Variants in ADGRG2 observed in about 807,000 individuals in gnomAD.
The protein encoded by ADGRG2 is adhesion G protein-coupled receptor G2.
A neutral mutation model predicts 74.1 loss-of-function variants in ADGRG2; 26 were observed. The ratio of observed to expected loss-of-function variants is 0.35; its 90% CI spans 0.26 to 0.49. The LOEUF (loss-of-function observed/expected upper bound fraction) is 0.49. Among genes scored for constraint, ADGRG2 ranks in the 20% least tolerant of loss-of-function variants. The pLI is 0.99. For missense variants in ADGRG2, 619 were observed against 763.1 expected, an observed-to-expected ratio of 0.81 and a Z score of 2.22; for synonymous variants, 296 against 295.2, an observed-to-expected ratio of 1.00 and a Z score of -0.03.
chrX:19,004,138 C>T lies in ADGRG2; in HGVS notation c.1961+620G>A, dbSNP rs193082368. ...AAATCCAAGAACCTACATATTGTTT[C>T]GATTCGTTAATGCAATAAAAATGCC... On this transcript the variant is annotated intron_variant, in intron 23 of 28. Transcript: ENST00000379869. Among the ~76,000 whole-genome samples the T allele has an allele frequency of 3.4e-3, 384 of 111,771 alleles. 1 individual carries two copies. The highest frequency in any genetic ancestry group is 0.012 in the African/African-American group (358 of 30,840).
chrX:19,106,664 A>C (rs1408449197), intron 1 of ADGRG2, among the ~76,000 whole-genome samples: 1 of 111,364 alleles, frequency 9.0e-6, no homozygotes, highest in African/African-American at 3.3e-5. Flanking sequence ...CACGCCTGTA[A>C]TCCCAGCACT....
chrX:19,065,227 G>A (rs2061546869), intron 3 of ADGRG2, among the ~76,000 whole-genome samples: 1 of 84,446 alleles, frequency 1.2e-5, no homozygotes, highest in Non-Finnish European at 2.1e-5. Context: ...CTGAGATCGC[G>A]CACTCAAGTC....
intron 6 of ADGRG2, among the ~76,000 whole-genome samples, chrX:19,036,616 A>AACACACACACACAC (rs534574581): frequency 1.4e-3 from 132 of 94,690 alleles, no homozygotes; most frequent in Admixed American, 2.2e-3. Flanking sequence ...TCATACTTAA[A>AACACACACACACAC]ACACACACAC....
At chrX:19,025,852 C>T (rs2060689904) in intron 11 of ADGRG2, among the ~76,000 whole-genome samples, 1 of 109,768 alleles carries the variant, frequency 9.1e-6, no homozygotes, top group African/African-American at 3.3e-5. Flanking sequence ...GCCGAGATGG[C>T]ACCATTGTAT....
chrX:19,037,687 A>G, intron 4 of ADGRG2, 51 bp from the exon 5 acceptor site: 1 of 854,010 alleles, frequency 1.2e-6, no homozygotes, highest in Non-Finnish European at 1.6e-6. Flanking sequence ...TTATTTGTCA[A>G]ATTTTAAAGA....
At chrX:19,111,613 T>G (rs767425479) in intron 1 of ADGRG2, among the ~76,000 whole-genome samples, 1 of 111,994 alleles carries the variant, frequency 8.9e-6, no homozygotes, top group Non-Finnish European at 1.9e-5. Flanking sequence ...TACTGAGGAC[T>G]GACAATGTGG....
At chrX:19,078,886 G>C (rs1395206972) in intron 2 of ADGRG2, among the ~76,000 whole-genome samples, 4 of 108,976 alleles carry the variant, frequency 3.7e-5, no homozygotes, top group Non-Finnish European at 7.6e-5. Flanking sequence ...AGGGAGGGGA[G>C]GGAAAAAGGG....
Position 19,037,600 on chromosome X carries a change from T to G in ADGRG2, c.191A>C (p.Asn64Thr). 1 of 1,168,709 alleles carries G rather than the reference T, an allele frequency of 8.6e-7. No individual in the cohort carries two copies. The change falls in exon 5 of 29, where the codon AAT becomes ACT. Residue 64 changes from asparagine to threonine, a missense_variant. Around this residue, in one of 3 missense-constraint regions of ADGRG2, gnomAD observed 292 missense variants for 318.0 expected, o/e 0.92. Transcript: ENST00000379869. Reference protein sequence around the residue: ...LSVVSFAPSSNGTPEVETTSL... With the variant: ...LSVVSFAPSSTGTPEVETTSL... ...TTTCAAAATCTTGCCTGGAGTACCATTGGAGGAGGGGGCAAAACTGACAAC... is the reference window on the plus strand; with the variant it reads ...TTTCAAAATCTTGCCTGGAGTACCAGTGGAGGAGGGGGCAAAACTGACAAC...
At chrX:19,111,944 G>A (rs563482352) in intron 1 of ADGRG2, among the ~76,000 whole-genome samples, 1 of 110,966 alleles carries the variant, frequency 9.0e-6, no homozygotes, top group Middle Eastern at 4.6e-3. Context: ...AATAAATAGG[G>A]GAGAAGGAAG....
rs752769240 is a variant in ADGRG2, at chrX:19,007,321, C to T, written c.1603G>A (p.Val535Ile). Residue 535 changes from valine (V) to isoleucine (I), a missense_variant, in exon 20 of 29, where the codon GTC (valine) becomes ATC (isoleucine). Val to Ile is a conservative substitution (Grantham distance 29). This residue lies in a region of ADGRG2 where 221 missense variants were observed against 340.6 expected (regional missense o/e 0.65). Coordinates refer to ENST00000379869, the MANE Select transcript of ADGRG2 (RefSeq NM_001079858.3). ...SLENLSLISY[V>I]ISSSVANLTV... ...AGGTTTGCAACACTCGATGATATGA[C>T]GTAGCTGATCAGAGAGAGGTTCTCC... The T allele has an allele frequency of 6.6e-6, 8 of 1,204,299 alleles. No individual in the cohort carries two copies. The Admixed American group carries it at 1.3e-4, about 20-fold the overall frequency.
chrX:19,099,969 A>G (rs2062160225), intron 1 of ADGRG2, among the ~76,000 whole-genome samples: 1 of 111,643 alleles, frequency 9.0e-6, no homozygotes, highest in African/African-American at 3.3e-5. Flanking sequence ...CAGGAGGTTG[A>G]GGCTGCAGTG....
intron 23 of ADGRG2, among the ~76,000 whole-genome samples, chrX:19,004,189 T>A: frequency 8.9e-6 from 1 of 112,210 alleles, no homozygotes; most frequent in Non-Finnish European, 1.9e-5. Flanking sequence ...CATTAGAATT[T>A]GTTGGAATTA....
intron 13 of ADGRG2, among the ~76,000 whole-genome samples, 167 bp downstream of exon 13, chrX:19,023,249 G>C (rs911529571): frequency 8.9e-6 from 1 of 111,950 alleles, no homozygotes; most frequent in Non-Finnish European, 1.9e-5. Flanking sequence ...GGATATGACA[G>C]AGTGATCAGT....
At chrX:19,049,772 G>T (rs964778728) in intron 3 of ADGRG2, among the ~76,000 whole-genome samples, 10 of 111,104 alleles carry the variant, frequency 9.0e-5, no homozygotes, top group African/African-American at 3.3e-4. Context: ...CTCCAGAAAA[G>T]ATAGAGTGTG....
At chrX:19,030,881 G>C (rs1451509561) in intron 9 of ADGRG2, 103 bp downstream of exon 9, 9 of 521,901 alleles carry the variant, frequency 1.7e-5, no homozygotes, top group African/African-American at 4.8e-5. Context: ...AAAAGAGGCA[G>C]CTCCAAGAGG....
intron 1 of ADGRG2, among the ~76,000 whole-genome samples, chrX:19,098,205 G>A (rs981667296): frequency 9.0e-6 from 1 of 111,529 alleles, no homozygotes; most frequent in African/African-American, 3.3e-5. Context: ...GACTAGGCTA[G>A]ACCAGTGTGT....
At chrX:19,096,177 G>T (rs1183404524) in intron 1 of ADGRG2, among the ~76,000 whole-genome samples, 2 of 111,147 alleles carry the variant, frequency 1.8e-5, no homozygotes, top group African/African-American at 6.5e-5. Context: ...TTGGGAGGCT[G>T]AGTCAGGCGG....
chrX:19,094,301 G>C (rs370662434), intron 1 of ADGRG2, among the ~76,000 whole-genome samples: 2 of 110,795 alleles, frequency 1.8e-5, no homozygotes, highest in East Asian at 2.8e-4. Context: ...TCAAAGCCCA[G>C]ACTTCACCAA....
At chrX:19,064,214 A>G (rs2061529953) in intron 3 of ADGRG2, among the ~76,000 whole-genome samples, 1 of 112,126 alleles carries the variant, frequency 8.9e-6, no homozygotes, top group African/African-American at 3.2e-5. Flanking sequence ...GGGTGGGCCA[A>G]GGGGGTATAG....
Sources: allele counts gnomAD v4.1 joint callset (sites outside exome capture counted in the v4.1 genomes callset), GRCh38; gene constraint gnomAD v4.1.1; regional missense constraint gnomAD v4.1.1; transcripts MANE v1.5; gene names NCBI Gene and HGNC (gene_info 2026-07-23, HGNC 2026-07-21).